Variants in CACNB2 observed in about 807,000 individuals in gnomAD.
CACNB2 encodes voltage-dependent L-type calcium channel subunit beta-2.
A neutral mutation model predicts 73.3 loss-of-function variants in CACNB2; 42 were observed. That is an observed-to-expected ratio of 0.57 (90% CI 0.45 to 0.74). CACNB2 has a LOEUF of 0.74. Ranked by LOEUF, CACNB2 falls within the 30% of genes least tolerant of loss-of-function variation. The probability of loss-of-function intolerance (pLI) is 0.00; values close to 1 mark genes in which losing one functional copy is unlikely to be tolerated. For synonymous variants in CACNB2, 348 were observed against 310.3 expected, an observed-to-expected ratio of 1.12 and a Z score of -1.28; for missense variants, 940 against 853.0, an observed-to-expected ratio of 1.10 and a Z score of -1.27.
In CACNB2 at chr10:18,442,998, GTGTA is replaced by G. The variant is rs1347689000; in HGVS notation, c.333+40957_333+40960del. 6.6e-4 allele frequency among the ~76,000 whole-genome samples: 6 copies of G among 9,122 alleles called. 1 individual carries two copies. Among genetic ancestry groups the G allele is most frequent in the East Asian group, 5.3e-3 (2 of 380 alleles). The allele number at this position is 9,122 out of a possible 152,430, so 6.0% of individuals were successfully genotyped here. On this transcript the variant is annotated intron_variant, in intron 3 of 13. Transcript: ENST00000324631. ...TATATATATATATGTATATATATATGTGTATATATATATATGTATATATATATAT... is the reference window on the plus strand; with the variant it reads ...TATATATATATATGTATATATATATGTATATATATATGTATATATATATAT...
chr10:18,517,504 A>G (rs2051398799), intron 7 of CACNB2, among the ~76,000 whole-genome samples: 1 of 152,232 alleles, frequency 6.6e-6, no homozygotes, highest in Non-Finnish European at 1.5e-5. Flanking sequence ...CTGCAGAAAG[A>G]TGTCATTAGT....
intron 3 of CACNB2, among the ~76,000 whole-genome samples, chr10:18,477,533 C>A (rs2048500952): frequency 6.6e-6 from 1 of 152,150 alleles, no homozygotes; most frequent in Non-Finnish European, 1.5e-5. Context: ...TGACAGGTCT[C>A]AATCAATTTA....
At chr10:18,523,204 T>C (rs140130882) in intron 9 of CACNB2, among the ~76,000 whole-genome samples, 32 of 151,124 alleles carry the variant, frequency 2.1e-4, no homozygotes, top group African/African-American at 7.5e-4. Context: ...CAATTTGGAA[T>C]TGTCAACATG....
chr10:18,195,533 A>G (rs927335990), intron 2 of CACNB2, among the ~76,000 whole-genome samples: 3 of 152,232 alleles, frequency 2.0e-5, no homozygotes, highest in African/African-American at 4.8e-5. Context: ...TAAATGTCTC[A>G]TAAATGCATT....
At chr10:18,325,389 C>T (rs930493166) in intron 2 of CACNB2, among the ~76,000 whole-genome samples, 3 of 151,804 alleles carry the variant, frequency 2.0e-5, no homozygotes, top group African/African-American at 4.8e-5. Context: ...GAGATAGTGT[C>T]TTGCTACGTT....
intron 1 of CACNB2, among the ~76,000 whole-genome samples, chr10:18,150,650 C>T (rs1017011801): frequency 3.3e-5 from 5 of 151,988 alleles, no homozygotes; most frequent in East Asian, 1.9e-4. Flanking sequence ...CCAGCAAGAG[C>T]GAAACTCTGT....
intron 2 of CACNB2, among the ~76,000 whole-genome samples, chr10:18,155,646 G>T (rs985350927): frequency 3.7e-4 from 57 of 152,138 alleles, no homozygotes; most frequent in African/African-American, 1.3e-3. Context: ...TTTCCAAGAT[G>T]GTTGTACCAG....
At chr10:18,367,648 A>T (rs955479816) in intron 2 of CACNB2, among the ~76,000 whole-genome samples, 112 of 152,298 alleles carry the variant, frequency 7.4e-4, no homozygotes, top group African/African-American at 2.6e-3. Flanking sequence ...CTCAAGACAT[A>T]AAATTATGTA....
intron 2 of CACNB2, among the ~76,000 whole-genome samples, chr10:18,290,193 A>G (rs1351424146): frequency 8.2e-6 from 1 of 122,086 alleles, no homozygotes; most frequent in Non-Finnish European, 1.6e-5. Context: ...ATGCCTGGCT[A>G]ATTTTTGTAT....
chr10:18,187,329 T>C (rs2034198878), intron 2 of CACNB2, among the ~76,000 whole-genome samples: 1 of 152,226 alleles, frequency 6.6e-6, no homozygotes, highest in Non-Finnish European at 1.5e-5. Flanking sequence ...TAAGTGAGCA[T>C]ACATTAATCT....
At chr10:18,154,044 A>T (rs905046972) in intron 2 of CACNB2, among the ~76,000 whole-genome samples, 8 of 151,946 alleles carry the variant, frequency 5.3e-5, no homozygotes, top group African/African-American at 1.5e-4. Context: ...TGCCCAATAG[A>T]ATTTTGTTTT....
intron 2 of CACNB2, among the ~76,000 whole-genome samples, chr10:18,361,612 C>CTTTT (rs56220879): frequency 3.2e-5 from 4 of 125,476 alleles, no homozygotes; most frequent in South Asian, 2.6e-4. Context: ...AGGTAAAATT[C>CTTTT]TTTTTTTTTT....
At chr10:18,407,107 G>GTTTTTTTTTTTTTTTTTTT (rs1293331753) in intron 3 of CACNB2, among the ~76,000 whole-genome samples, 1 of 49,564 alleles carries the variant, frequency 2.0e-5, no homozygotes, top group Non-Finnish European at 4.1e-5. Context: ...CTGCTGTTCT[G>GTTTTTTTTTTTTTTTTTTT]TCTTTTTTTT....
chr10:18,224,961 T>C (rs1204004781), intron 2 of CACNB2, among the ~76,000 whole-genome samples: 1 of 152,222 alleles, frequency 6.6e-6, no homozygotes, highest in Non-Finnish European at 1.5e-5. Context: ...ATGAGCCTAG[T>C]GTGGACACCA....
At chr10:18,515,264 C>T (rs1333151582) in intron 7 of CACNB2, among the ~76,000 whole-genome samples, 2 of 152,184 alleles carry the variant, frequency 1.3e-5, no homozygotes, top group East Asian at 3.8e-4. Context: ...GCCTTTTCCT[C>T]ACCCATTTTG....
rs530806758 is a variant in CACNB2, at chr10:18,434,635, A to G, written c.333+32592A>G. ...AGGCTGGTCTCGAACTTCTGGGCTC[A>G]AACAATCCACCCACCTTGGCCTCCC... On this transcript the variant is annotated intron_variant, in intron 3 of 13. Coordinates refer to ENST00000324631, the MANE Select transcript of CACNB2 (RefSeq NM_201596.3). Among the ~76,000 whole-genome samples the G allele has an allele frequency of 3.3e-5, 5 of 152,290 alleles. No homozygotes were observed. In the South Asian group the frequency reaches 6.2e-4, roughly 19 times the overall value.
intron 2 of CACNB2, chr10:18,181,787 G>A (rs1392811927): frequency 7.5e-6 from 1 of 134,018 alleles, no homozygotes; most frequent in South Asian, 2.4e-4. Context: ...GCTAATTTTT[G>A]TATTTTTTTT....
At chr10:18,303,805 G>A (rs1469608712) in intron 2 of CACNB2, among the ~76,000 whole-genome samples, 11 of 152,162 alleles carry the variant, frequency 7.2e-5, no homozygotes, top group Non-Finnish European at 8.8e-5. Context: ...TTTCCAGTCC[G>A]TTCAGTGGGG....
At chr10:18,485,024 G>A (rs2048985406) in intron 3 of CACNB2, among the ~76,000 whole-genome samples, 1 of 152,130 alleles carries the variant, frequency 6.6e-6, no homozygotes, top group South Asian at 2.1e-4. Context: ...ATGTCATAGC[G>A]CATACCTGTA....
Sources: allele counts gnomAD v4.1 joint callset (sites outside exome capture counted in the v4.1 genomes callset), GRCh38; gene constraint gnomAD v4.1.1; transcripts MANE v1.5; gene names NCBI Gene and HGNC (gene_info 2026-07-23, HGNC 2026-07-21).